The following RGS6 variants were observed in gnomAD, a reference collection of about 807,000 sequenced individuals.
RGS6 encodes regulator of G-protein signaling 6.
RGS6 carries 30 observed loss-of-function variants against 78.5 expected under a neutral mutation model. The observed-to-expected ratio is 0.38, with a 90% CI of 0.29 to 0.52. The LOEUF is 0.52. RGS6 is among the 20% of genes least tolerant of loss of function. RGS6 has a pLI of 0.85. For synonymous variants in RGS6, 206 were observed against 206.0 expected (o/e 1.00, Z 0.00); for missense variants, 495 against 609.7 (o/e 0.81, Z 1.98).
chr14:72,064,268 C>T (rs546836290), intron 2 of RGS6, among the ~76,000 whole-genome samples: 3 of 151,926 alleles, frequency 2.0e-5, no homozygotes, highest in Admixed American at 6.6e-5. Flanking sequence ...AAGTGGGGAA[C>T]GGACCATGGA....
chr14:72,267,164 T>C (rs1159422446), intron 2 of RGS6, among the ~76,000 whole-genome samples: 1 of 152,210 alleles, frequency 6.6e-6, no homozygotes, highest in African/African-American at 2.4e-5. Context: ...TTGGCCAGGC[T>C]GGTCTCAAAC....
chr14:71,909,972 G>A, the RGS6 span, among the ~76,000 whole-genome samples: 1 of 152,128 alleles, frequency 6.6e-6, no homozygotes, highest in Non-Finnish European at 1.5e-5. Context: ...CAGATTGCCT[G>A]AGCTCAGGAG....
chr14:72,377,237 C>T (rs2084974944), intron 3 of RGS6, among the ~76,000 whole-genome samples: 2 of 151,970 alleles, frequency 1.3e-5, no homozygotes, highest in East Asian at 3.9e-4. Flanking sequence ...AAACCAAAAG[C>T]AAGCAGAGTA....
In RGS6 at chr14:72,472,963, C is replaced by T. The variant is rs759893250; in HGVS notation, c.618+10C>T. 1.7e-5 allele frequency: 26 copies of T among 1,574,542 alleles called. No homozygotes were observed. Among genetic ancestry groups the T allele is most frequent in the Non-Finnish European group, 2.2e-5 (26 of 1,162,462 alleles). On this transcript the variant is annotated intron_variant, in intron 9 of 17. Coordinates refer to ENST00000553525, the MANE Select transcript of RGS6 (RefSeq NM_001204424.2). ...TGTCCACAGGCCTGTGGTGAGAAAG[C>T]GCTACTCAATTCTCTAGATTTTTTT... is the stretch of plus-strand genomic sequence containing the variant.
At chr14:72,416,207 C>G (rs888548270) in intron 3 of RGS6, among the ~76,000 whole-genome samples, 3 of 151,038 alleles carry the variant, frequency 2.0e-5, no homozygotes, top group African/African-American at 7.3e-5. Context: ...TTAAAAGAAT[C>G]TAAATAAATA....
intron 8 of RGS6, among the ~76,000 whole-genome samples, chr14:72,470,863 G>A (rs1159492073): frequency 7.5e-6 from 1 of 133,170 alleles, no homozygotes; most frequent in Non-Finnish European, 1.6e-5. Flanking sequence ...TGGGCAACAA[G>A]AGCAAAACTC....
chr14:72,288,312 G>C (rs757256791), intron 2 of RGS6, among the ~76,000 whole-genome samples: 7 of 152,140 alleles, frequency 4.6e-5, no homozygotes, highest in Non-Finnish European at 8.8e-5. Flanking sequence ...TAATTATCCT[G>C]GTGGAATGGC....
intron 2 of RGS6, among the ~76,000 whole-genome samples, chr14:72,296,759 T>C (rs1283958259): frequency 6.6e-6 from 1 of 152,214 alleles, no homozygotes; most frequent in Non-Finnish European, 1.5e-5. Flanking sequence ...ATTGAGATTG[T>C]CTTTTGATAA....
chr14:72,434,328 C>A (rs754672830), intron 3 of RGS6, among the ~76,000 whole-genome samples: 10 of 152,146 alleles, frequency 6.6e-5, no homozygotes, highest in Non-Finnish European at 1.3e-4. Flanking sequence ...CAGAGCGAGA[C>A]CCTGTCTCTA....
chr14:72,448,952 A>C (rs1208836691), intron 3 of RGS6, among the ~76,000 whole-genome samples: 1 of 152,174 alleles, frequency 6.6e-6, no homozygotes, highest in African/African-American at 2.4e-5. Context: ...TCAAGATAAC[A>C]TGCGATAACA....
At chr14:71,886,332 A>C in the RGS6 span, among the ~76,000 whole-genome samples, 1 of 152,078 alleles carries the variant, frequency 6.6e-6, no homozygotes, top group African/African-American at 2.4e-5. Context: ...TGAGAGTAGC[A>C]TCTTTGTTTT....
chr14:72,307,256 A>G (rs1273557566), intron 2 of RGS6, among the ~76,000 whole-genome samples: 1 of 2,736 alleles, frequency 3.7e-4, no homozygotes, highest in African/African-American at 5.3e-3. Flanking sequence ...CAGTATAAAC[A>G]TAATTTTATA....
intron 2 of RGS6, among the ~76,000 whole-genome samples, chr14:72,309,101 T>C (rs1021561085): frequency 6.6e-6 from 1 of 152,202 alleles, no homozygotes; most frequent in Non-Finnish European, 1.5e-5. Flanking sequence ...ATGTGTTCAC[T>C]GTTGCTCCCC....
At chr14:72,139,234 G>T (rs771475486) in intron 2 of RGS6, among the ~76,000 whole-genome samples, 1 of 152,160 alleles carries the variant, frequency 6.6e-6, no homozygotes, top group Non-Finnish European at 1.5e-5. Context: ...TAGTTCCTGT[G>T]GTAAGACCTG....
chr14:71,980,304 A>T (rs2094380726), intron 2 of RGS6, among the ~76,000 whole-genome samples: 1 of 133,326 alleles, frequency 7.5e-6, no homozygotes, highest in Admixed American at 7.6e-5. Context: ...TCCTGTCATT[A>T]TGATGTTAGC....
At chr14:72,237,837 C>T (rs549841044) in intron 2 of RGS6, among the ~76,000 whole-genome samples, 4 of 152,262 alleles carry the variant, frequency 2.6e-5, no homozygotes, top group South Asian at 2.1e-4. Flanking sequence ...GGGTTGTCTG[C>T]GACCTCTGGA....
At chr14:72,196,760 T>C (rs1377695221) in intron 2 of RGS6, among the ~76,000 whole-genome samples, 1 of 152,268 alleles carries the variant, frequency 6.6e-6, no homozygotes, top group South Asian at 2.1e-4. Flanking sequence ...TTTGGAATTA[T>C]GATTTGTATT....
chr14:72,474,574 G>T, intron 9 of RGS6, 51 bp from the exon 10 acceptor site: 1 of 1,519,376 alleles, frequency 6.6e-7, no homozygotes, highest in South Asian at 1.2e-5. Context: ...GGCTAAATTG[G>T]AAGTGTAATT....
chr14:72,590,746 G>A, the RGS6 span, among the ~76,000 whole-genome samples: 3 of 152,312 alleles, frequency 2.0e-5, no homozygotes, highest in East Asian at 3.9e-4. Context: ...AGAGCAGGAA[G>A]TCTAGCGGAT....
Sources: gnomAD v4.1 joint callset for allele counts (sites outside exome capture counted in the v4.1 genomes callset) on GRCh38, gnomAD v4.1.1 for gene constraint, MANE v1.5 for transcripts, NCBI Gene and HGNC (gene_info 2026-07-23, HGNC 2026-07-21) for gene names.